GOLGB1: variants seen among roughly 807,000 people sequenced by gnomAD.
GOLGB1 encodes golgin subfamily B member 1.
Under a neutral mutation model 336.9 loss-of-function variants are expected in GOLGB1, and 174 were observed. The ratio of observed to expected loss-of-function variants is 0.52; its 90% CI spans 0.46 to 0.59. The LOEUF is 0.59. GOLGB1 is among the 20% of genes least tolerant of loss of function. The pLI, the probability that GOLGB1 is intolerant of heterozygous loss-of-function variation, is 0.00. For missense variants in GOLGB1, 3,331 were observed against 3,645.3 expected, an observed-to-expected ratio of 0.91 and a Z score of 2.22; for synonymous variants, 1,208 against 1,289.2, an observed-to-expected ratio of 0.94 and a Z score of 1.35.
upstream of GOLGB1, chr3:121,749,759 A>C (rs1163472886): frequency 6.6e-6 from 1 of 152,450 alleles, no homozygotes; most frequent in Non-Finnish European, 1.5e-5. Flanking sequence ...AGCAGTTGGG[A>C]CGGAAGATGG....
In GOLGB1 at chr3:121,697,068, A is replaced by G. The variant is rs1943012422; in HGVS notation, c.3455T>C (p.Ile1152Thr). 2 of 1,613,762 alleles carry G rather than the reference A, an allele frequency of 1.2e-6. No individual in the cohort carries two copies. Reference sequence around the variant, plus strand: ...ACTACTACCTGTACAAGGTGGACTTATCACCACTGTTTCCTTTACAAGTGC... The same window carrying G: ...ACTACTACCTGTACAAGGTGGACTTGTCACCACTGTTTCCTTTACAAGTGC... ...SVALVKETVV[I>T]SPPCTGSSEH... Residue 1152 changes from isoleucine (I) to threonine (T), a missense_variant, in exon 13 of 22, where the codon ATA becomes ACA. Ile to Thr is a moderately conservative substitution (Grantham distance 89, BLOSUM62 -1). Transcript: ENST00000614479.
In GOLGB1 at chr3:121,722,326, T is replaced by G; in HGVS notation, c.584A>C (p.Lys195Thr). 3 of 1,613,004 alleles carry G rather than the reference T, an allele frequency of 1.9e-6. No individual in the cohort carries two copies. Among genetic ancestry groups the G allele is most frequent in the Non-Finnish European group, 2.5e-6 (3 of 1,179,004 alleles). The change falls in exon 6 of 22, where the codon AAG becomes ACG. Residue 195 changes from lysine to threonine, a missense_variant. Coordinates refer to ENST00000614479, the MANE Select transcript of GOLGB1 (RefSeq NM_001366282.2). ...TTGTAAAGTGCTAATGAATTCTTCC[T>G]TCTCCTGGAGCTGTTGCTTCATCAT... Reference protein sequence around the residue: ...FVMMKQQLQEKEEFISTLQAQ... With the variant: ...FVMMKQQLQETEEFISTLQAQ...
intron 10 of GOLGB1, among the ~76,000 whole-genome samples, chr3:121,704,282 C>A (rs186734056): frequency 2.0e-5 from 3 of 151,878 alleles, no homozygotes; most frequent in African/African-American, 2.4e-5. Context: ...ACGTTATATA[C>A]GTAAGAAACT....
At position 121,669,242 on chromosome 3, in the gene GOLGB1, G is replaced by A. The variant is rs904313688; in HGVS notation, c.9291C>T (p.Val3097=). Residue 3097 remains valine, a synonymous_variant, in exon 18 of 22, where the codon GTC becomes GTT. Coordinates refer to ENST00000614479, the MANE Select transcript of GOLGB1 (RefSeq NM_001366282.2). ...GCAGCTCTTGAACCTGCTTCTCCAAGACTGCACAGTGATTTAAAAGGTCAC... is the reference window on the plus strand; with the variant it reads ...GCAGCTCTTGAACCTGCTTCTCCAAAACTGCACAGTGATTTAAAAGGTCAC... ...HYGDLLNHCA[V]LEKQVQELQA... 1 of 1,613,960 alleles carries A rather than the reference G, an allele frequency of 6.2e-7. No individual in the cohort carries two copies. The highest frequency in any genetic ancestry group is 8.5e-7 in the Non-Finnish European group (1 of 1,179,926).
Position 121,696,825 on chromosome 3 carries a change from T to C in GOLGB1, c.3698A>G (p.Asn1233Ser). The change falls in exon 13 of 22, where the codon AAT (asparagine) becomes AGT (serine). Residue 1233 changes from asparagine to serine, a missense_variant. Coordinates refer to ENST00000614479, the MANE Select transcript of GOLGB1 (RefSeq NM_001366282.2). ...GAGTTGCCTTAGCTGGTCTCCAATA[T>C]TCTCATTTTCCTTGCTTTGCTCATC... is the stretch of plus-strand genomic sequence containing the variant. ...QFDEQSKENE[N>S]IGDQLRQLQI... 1.2e-6 allele frequency: 2 copies of C among 1,614,146 alleles called. No homozygotes were observed. The highest frequency in any genetic ancestry group is 2.2e-5 in the East Asian group (1 of 44,894).
At position 121,664,352 on chromosome 3, in the gene GOLGB1, C is replaced by A. The variant is rs771862855; in HGVS notation, c.*128G>T. 4 of 864,688 alleles carry A rather than the reference C, an allele frequency of 4.6e-6. No homozygotes were observed. The highest frequency in any genetic ancestry group is 7.5e-6 in the Non-Finnish European group (4 of 531,484). The allele number at this position is 864,688 out of a possible 1,614,324, so 53.6% of individuals were successfully genotyped here. On this transcript the variant is annotated 3_prime_UTR_variant, in exon 22 of 22. Coordinates refer to ENST00000614479, the MANE Select transcript of GOLGB1 (RefSeq NM_001366282.2). The stretch of plus-strand genomic sequence containing the variant: ...GTATCCACCTCTGTTTTTGCAGGCA[C>A]TTTCCGTGAAGAGTTGGAGAGAAGA...
Position 121,697,931 on chromosome 3 carries a change from A to T in GOLGB1, c.2592T>A (p.Ser864Arg). 6.2e-7 allele frequency: 1 copy of T among 1,614,004 alleles called. No individual in the cohort carries two copies. Among genetic ancestry groups the T allele is most frequent in the African/African-American group, 1.3e-5 (1 of 75,002 alleles). ...EGAERVRHISSKVEELSQALS... is the reference protein window; with the variant it reads ...EGAERVRHISRKVEELSQALS... Reference sequence around the variant, plus strand: ...GAGCCTGGGACAGTTCTTCCACTTTACTTGAGATATGCCTTACACGTTCTG... The same window carrying T: ...GAGCCTGGGACAGTTCTTCCACTTTTCTTGAGATATGCCTTACACGTTCTG... Residue 864 changes from serine to arginine, a missense_variant, in exon 13 of 22, where the codon AGT (serine) becomes AGA (arginine). Coordinates refer to ENST00000614479, the MANE Select transcript of GOLGB1 (RefSeq NM_001366282.2).
chr3:121,711,055 G>A (rs1261244705), intron 10 of GOLGB1, among the ~76,000 whole-genome samples: 1 of 151,268 alleles, frequency 6.6e-6, no homozygotes, highest in Non-Finnish European at 1.5e-5. Flanking sequence ...TTAGCCGGGG[G>A]TGTTGGTGGA....
chr3:121,738,446 C>CA (rs1403933503), intron 1 of GOLGB1, among the ~76,000 whole-genome samples: 1 of 152,134 alleles, frequency 6.6e-6, no homozygotes, highest in African/African-American at 2.4e-5. Context: ...TGGATATAGA[C>CA]AAACCGCCAA....
At chr3:121,668,252 C>G in intron 18 of GOLGB1, 94 bp from the exon 19 acceptor site, 1 of 647,124 alleles carries the variant, frequency 1.5e-6, no homozygotes, top group Non-Finnish European at 2.7e-6. Context: ...GGACTATCCC[C>G]GCTTATAATT....
chr3:121,715,095 T>C (rs370188856), intron 9 of GOLGB1, 119 bp from the exon 10 acceptor site: 4 of 603,126 alleles, frequency 6.6e-6, no homozygotes, highest in African/African-American at 1.9e-5. Context: ...GTTAAAATTA[T>C]GATGCCAATG....
chr3:121,686,264 G>A (rs1941711645), intron 14 of GOLGB1, among the ~76,000 whole-genome samples: 1 of 151,458 alleles, frequency 6.6e-6, no homozygotes, highest in Non-Finnish European at 1.5e-5. Context: ...TATAAATACT[G>A]CAGTTCATGC....
chr3:121,694,906 T>A lies in GOLGB1; in HGVS notation c.5617A>T (p.Asn1873Tyr). 1.2e-6 allele frequency: 2 copies of A among 1,613,940 alleles called. No individual in the cohort carries two copies. The highest frequency in any genetic ancestry group is 1.7e-6 in the Non-Finnish European group (2 of 1,179,834). ...TGACTCAGTAAGGTATTTTTCTCAT[T>A]TTCTAAAGTCTGGCTAAATTCCTTG... is the stretch of plus-strand genomic sequence containing the variant. ...KNKEFSQTLE[N>Y]EKNTLLSQIS... The change falls in exon 13 of 22, where the codon AAT becomes TAT. Residue 1873 changes from asparagine (N) to tyrosine (Y), a missense_variant. Physicochemically the swap from Asn to Tyr is moderately radical, Grantham distance 143. Coordinates refer to ENST00000614479, the MANE Select transcript of GOLGB1 (RefSeq NM_001366282.2).
chr3:121,668,203 A>G lies in GOLGB1; in HGVS notation c.9322-45T>C, dbSNP rs145580930. ...AGTAATTCAGTGATGAAAGCTCTTA[A>G]GAAAGTGTATTTGAGCAAAATGAGA... is the stretch of plus-strand genomic sequence containing the variant. On this transcript the variant is annotated intron_variant, in intron 18 of 21. Transcript: ENST00000614479. The G allele has an allele frequency of 4.0e-4, 468 of 1,174,296 alleles. 3 individuals are homozygous for G. In the African/African-American group the frequency reaches 6.8e-3, roughly 17 times the overall value. The allele number at this position is 1,174,296 out of a possible 1,614,324, so 72.7% of individuals were successfully genotyped here.
intron 5 of GOLGB1, among the ~76,000 whole-genome samples, chr3:121,726,433 C>CAAAAAAATA (rs1945608604): frequency 1.6e-5 from 1 of 61,452 alleles, no homozygotes; most frequent in Non-Finnish European, 2.9e-5. Context: ...CACCCTGTCT[C>CAAAAAAATA]AAAAAAAAAA....
At position 121,664,931 on chromosome 3, in the gene GOLGB1, G is replaced by A; in HGVS notation, c.9655C>T (p.Arg3219Ter). The A allele has an allele frequency of 1.9e-6, 3 of 1,572,914 alleles. No homozygotes were observed. Among genetic ancestry groups the A allele is most frequent in the East Asian group, 2.2e-5 (1 of 44,684 alleles). The change falls in exon 21 of 22, where the codon CGA becomes TGA. Residue 3219 changes from arginine to a stop codon, truncating the protein, a stop_gained. Coordinates refer to ENST00000614479, the MANE Select transcript of GOLGB1 (RefSeq NM_001366282.2). LOFTEE classifies it high-confidence loss of function. ...TTTATCCTTCTTCCTCTTACCCTTC[G>A]ACAACTGTTGCTTGTAAGATCTATT... ...LLIDLTSNSC[R>*]RTRSGVGWKR...
chr3:121,689,666 AT>A (rs1255380917), intron 14 of GOLGB1, among the ~76,000 whole-genome samples: 1 of 147,998 alleles, frequency 6.8e-6, no homozygotes, highest in Non-Finnish European at 1.5e-5. Flanking sequence ...AAAAAAAAAA[AT>A]TAGAATTTTC....
intron 14 of GOLGB1, among the ~76,000 whole-genome samples, chr3:121,684,201 G>A (rs1576309446): frequency 3.4e-5 from 2 of 59,360 alleles, no homozygotes; most frequent in East Asian, 4.8e-4. Flanking sequence ...TAGAAATTAA[G>A]AATATAATGG....
intron 10 of GOLGB1, among the ~76,000 whole-genome samples, chr3:121,706,130 T>C (rs931146332): frequency 3.4e-5 from 5 of 148,160 alleles, no homozygotes; most frequent in South Asian, 2.1e-4. Flanking sequence ...AGAGCAAGAC[T>C]CCATTTCAAA....
Sources: gnomAD v4.1 joint callset for allele counts (sites outside exome capture counted in the v4.1 genomes callset) on GRCh38, gnomAD v4.1.1 for gene constraint, MANE v1.5 for transcripts, NCBI Gene and HGNC (gene_info 2026-07-23, HGNC 2026-07-21) for gene names.